Variants in CFDP1 observed in about 807,000 individuals in gnomAD.
The protein encoded by CFDP1 is chromatin remodeling protein CFDP1.
In CFDP1, 31 loss-of-function variants were observed where a neutral mutation model predicts 40.1. That is an observed-to-expected ratio of 0.77 (90% confidence interval 0.58 to 1.04). CFDP1 has a LOEUF of 1.04. Among genes scored for constraint, CFDP1 ranks in the 50% least tolerant of loss-of-function variants. CFDP1 has a pLI of 0.00. For missense variants in CFDP1, 423 were observed against 343.4 expected, an observed-to-expected ratio of 1.23 and a Z score of -1.83; for synonymous variants, 167 against 120.0, an observed-to-expected ratio of 1.39 and a Z score of -2.56.
chr16:75,387,673 T>C (rs114271549), intron 5 of CFDP1, among the ~76,000 whole-genome samples: 23 of 152,184 alleles, frequency 1.5e-4, no homozygotes, highest in Admixed American at 3.9e-4. Flanking sequence ...CATCAACATA[T>C]AAGTTGTCCA....
Position 75,412,681 on chromosome 16 carries a change from T to A in CFDP1, c.256A>T (p.Ser86Cys). ...EDANSESEGS[S>C]SEEEDDAAEQ... ...GCAGCGTCATCTTCCTCCTCACTAC[T>A]GCTTCCCTCAGATTCTGAATTGGCA... The change falls in exon 3 of 7, where the codon AGT becomes TGT. Residue 86 changes from serine (S) to cysteine (C), a missense_variant. By Grantham distance (112) the Ser-to-Cys change is moderately radical. Coordinates refer to ENST00000283882, the MANE Select transcript of CFDP1 (RefSeq NM_006324.3). 1 of 1,614,176 alleles carries A rather than the reference T, an allele frequency of 6.2e-7. No homozygotes were observed. The highest frequency in any genetic ancestry group is 1.7e-5 in the Admixed American group (1 of 60,016).
intron 5 of CFDP1, among the ~76,000 whole-genome samples, chr16:75,361,486 G>A (rs966218120): frequency 5.3e-5 from 8 of 151,930 alleles, no homozygotes; most frequent in Admixed American, 6.6e-5. Context: ...GTGTGGTGCC[G>A]CACGCCTGTA....
At chr16:75,355,934 G>C (rs922159591) in intron 5 of CFDP1, among the ~76,000 whole-genome samples, 5 of 152,158 alleles carry the variant, frequency 3.3e-5, no homozygotes, top group African/African-American at 9.7e-5. Context: ...GACTAATACA[G>C]GCTATACTTC....
chr16:75,415,410 T>A (rs1280179401), intron 1 of CFDP1, among the ~76,000 whole-genome samples: 2 of 152,132 alleles, frequency 1.3e-5, no homozygotes, highest in Admixed American at 6.5e-5. Context: ...AAATCTAATA[T>A]ACAGTTCAAT....
intron 1 of CFDP1, chr16:75,419,001 G>A (rs1301296525): frequency 1.2e-5 from 4 of 324,398 alleles, no homozygotes; most frequent in Non-Finnish European, 2.5e-5. Context: ...AAATTAGTCA[G>A]GCATGGTGGC....
At chr16:75,332,262 C>T (rs1446735680) in intron 5 of CFDP1, among the ~76,000 whole-genome samples, 1 of 151,976 alleles carries the variant, frequency 6.6e-6, no homozygotes, top group Non-Finnish European at 1.5e-5. Context: ...GTCAGGAGTT[C>T]GAGACCCGCC....
chr16:75,297,166 CTGTGTG>C (rs71158597), intron 6 of CFDP1, among the ~76,000 whole-genome samples: 125 of 143,458 alleles, frequency 8.7e-4, no homozygotes, highest in African/African-American at 2.8e-3. Context: ...GTGTGTGTGT[CTGTGTG>C]TGTGTGTGTG....
At chr16:75,321,023 G>A (rs1597329467) in intron 5 of CFDP1, among the ~76,000 whole-genome samples, 1 of 151,976 alleles carries the variant, frequency 6.6e-6, no homozygotes, top group African/African-American at 2.4e-5. Context: ...TTGAACTCCT[G>A]GGCTCAAGTG....
chr16:75,375,209 C>A (rs188425637), intron 5 of CFDP1, among the ~76,000 whole-genome samples: 1 of 151,850 alleles, frequency 6.6e-6, no homozygotes, highest in Non-Finnish European at 1.5e-5. Context: ...CTGTAAAAGA[C>A]GAACTGAATA....
chr16:75,410,130 A>G (rs1297554214), intron 4 of CFDP1, among the ~76,000 whole-genome samples: 1 of 150,966 alleles, frequency 6.6e-6, no homozygotes, highest in Non-Finnish European at 1.5e-5. Context: ...TTCCCTAAAT[A>G]TAGCTTCACT....
chr16:75,337,174 T>C (rs1486075119), intron 5 of CFDP1, among the ~76,000 whole-genome samples: 3 of 152,232 alleles, frequency 2.0e-5, no homozygotes, highest in Non-Finnish European at 2.9e-5. Context: ...TGCTCGCTGA[T>C]GCGAATGATC....
intron 5 of CFDP1, among the ~76,000 whole-genome samples, chr16:75,349,145 C>T (rs758117756): frequency 6.6e-6 from 1 of 152,166 alleles, no homozygotes; most frequent in Non-Finnish European, 1.5e-5. Flanking sequence ...GCTAGGATTA[C>T]ATCCATGAGC....
intron 1 of CFDP1, among the ~76,000 whole-genome samples, chr16:75,424,990 G>C (rs1393142247): frequency 6.6e-6 from 1 of 152,002 alleles, no homozygotes; most frequent in African/African-American, 2.4e-5. Context: ...AGTTTAGCAA[G>C]GTTGTAGAAT....
chr16:75,294,702 G>A (rs1452027993), intron 6 of CFDP1, among the ~76,000 whole-genome samples: 3 of 152,052 alleles, frequency 2.0e-5, no homozygotes, highest in African/African-American at 7.2e-5. Flanking sequence ...CGTCTAGGTT[G>A]CTTCTGCTAA....
In CFDP1 at chr16:75,364,445, A is replaced by G. The variant is rs1396339203; in HGVS notation, c.650+30645T>C. Among the ~76,000 whole-genome samples the G allele has an allele frequency of 2.0e-5, 3 of 152,044 alleles. No individual in the cohort carries two copies. In the East Asian group the frequency reaches 5.8e-4, roughly 29 times the overall value. ...TGGGAGATTTTTTTCAGGGAGCTGA[A>G]AAGGTTAAAGCTATTTTCATGACAA... On this transcript the variant is annotated intron_variant, in intron 5 of 6. Coordinates refer to ENST00000283882, the MANE Select transcript of CFDP1 (RefSeq NM_006324.3).
intron 4 of CFDP1, among the ~76,000 whole-genome samples, chr16:75,410,128 A>G (rs1290562607): frequency 6.6e-6 from 1 of 151,246 alleles, no homozygotes; most frequent in Non-Finnish European, 1.5e-5. Flanking sequence ...TTTTCCCTAA[A>G]TATAGCTTCA....
intron 5 of CFDP1, among the ~76,000 whole-genome samples, chr16:75,310,793 C>A (rs1339900084): frequency 6.6e-6 from 1 of 152,174 alleles, no homozygotes; most frequent in Non-Finnish European, 1.5e-5. Context: ...GCTGACAGGG[C>A]TTACCAACTG....
intron 1 of CFDP1, among the ~76,000 whole-genome samples, chr16:75,416,133 G>C (rs2079202733): frequency 6.6e-6 from 1 of 152,032 alleles, no homozygotes; most frequent in Non-Finnish European, 1.5e-5. Flanking sequence ...ATTACAGACA[G>C]GAGCCACCGC....
intron 5 of CFDP1, among the ~76,000 whole-genome samples, chr16:75,313,331 G>C (rs576421196): frequency 1.2e-4 from 19 of 152,232 alleles, no homozygotes; most frequent in Non-Finnish European, 2.6e-4. Context: ...AGGCATGTGA[G>C]AGTTTTTTTT....
Sources: gnomAD v4.1 joint callset for allele counts (sites outside exome capture counted in the v4.1 genomes callset) on GRCh38, gnomAD v4.1.1 for gene constraint, MANE v1.5 for transcripts, NCBI Gene and HGNC (gene_info 2026-07-23, HGNC 2026-07-21) for gene names.